The following SUMF1 variants were observed in gnomAD, a reference collection of about 807,000 sequenced individuals.
The protein encoded by SUMF1 is formylglycine-generating enzyme.
Under a neutral mutation model 47.6 loss-of-function variants are expected in SUMF1, and 48 were observed. The observed-to-expected ratio is 1.01, with a 90% CI of 0.80 to 1.28. SUMF1 has a LOEUF of 1.28. Among genes scored for constraint, SUMF1 ranks in the 50% most tolerant of loss-of-function variants. The pLI is 0.00. For synonymous variants in SUMF1, 230 were observed against 192.1 expected, an observed-to-expected ratio of 1.20 and a Z score of -1.63; for missense variants, 571 against 485.4, an observed-to-expected ratio of 1.18 and a Z score of -1.66.
chr3:4,149,923 T>G (rs1694279902), intron 8 of SUMF1, among the ~76,000 whole-genome samples: 1 of 152,096 alleles, frequency 6.6e-6, no homozygotes, highest in African/African-American at 2.4e-5. Context: ...TGGGTACATA[T>G]TTATAACAGT....
chr3:4,224,126 G>T (rs1696125734), intron 8 of SUMF1, among the ~76,000 whole-genome samples: 2 of 152,088 alleles, frequency 1.3e-5, no homozygotes, highest in African/African-American at 4.8e-5. Context: ...CCTCATGTCT[G>T]TCATTAGCAG....
Position 4,440,499 on chromosome 3 carries a change from A to T in SUMF1, c.519+8767T>A, listed in dbSNP as rs1351702216. Among the ~76,000 whole-genome samples the T allele has an allele frequency of 2.0e-5, 3 of 152,290 alleles. No homozygotes were observed. The East Asian group carries it at 5.8e-4, about 29-fold the overall frequency. The stretch of plus-strand genomic sequence containing the variant: ...AGGTAACTGGATCGCATCCTTATTA[A>T]CAGTTCTCTTTCTAGTTTAGAGTTG... On this transcript the variant is annotated intron_variant, in intron 3 of 8. Transcript: ENST00000272902.
At chr3:4,226,915 A>G (rs1696187316) in intron 8 of SUMF1, among the ~76,000 whole-genome samples, 1 of 152,044 alleles carries the variant, frequency 6.6e-6, no homozygotes, top group South Asian at 2.1e-4. Context: ...CAAACATTAC[A>G]TACATTAAAA....
At chr3:4,129,205 T>C (rs1006945507) in intron 8 of SUMF1, among the ~76,000 whole-genome samples, 1 of 152,040 alleles carries the variant, frequency 6.6e-6, no homozygotes, top group African/African-American at 2.4e-5. Flanking sequence ...GTCACTCAAC[T>C]ACAAAATTTA....
chr3:4,109,703 C>T (rs1693246953), intron 8 of SUMF1, among the ~76,000 whole-genome samples: 1 of 152,102 alleles, frequency 6.6e-6, no homozygotes, highest in Non-Finnish European at 1.5e-5. Context: ...ACCCTTTCTT[C>T]CAGTTGATCG....
At position 4,270,091 on chromosome 3, in the gene SUMF1, T is replaced by TAC. The variant is rs140512913; in HGVS notation, c.1014+106238_1014+106239insGT. Among the ~76,000 whole-genome samples, 800 of 152,182 alleles carry TAC rather than the reference T, an allele frequency of 5.3e-3. 4 individuals are homozygous for TAC. Among genetic ancestry groups the TAC allele is most frequent in the African/African-American group, 0.017 (725 of 41,522 alleles). ...TAAGAAAGCCAAGGCCCAGAAGAGG[T>TAC]AGGTCATTTACCCACGGTTCAGGAG... On this transcript the variant is annotated intron_variant and NMD_transcript_variant, in intron 8 of 12. Coordinates refer to the SUMF1 transcript ENST00000448413.
rs150348203 is a variant in SUMF1 at position 4,045,881 on chromosome 3, A to G, written c.1191+22688T>C. Among the ~76,000 whole-genome samples, 47 of 152,266 alleles carry G rather than the reference A, an allele frequency of 3.1e-4. 1 individual carries two copies. Among genetic ancestry groups the G allele is most frequent in the African/African-American group, 1.1e-3 (46 of 41,548 alleles). On this transcript the variant is annotated intron_variant and NMD_transcript_variant, in intron 9 of 12. Coordinates refer to the SUMF1 transcript ENST00000448413. ...ATGTTCAAACAGGAGCCTGGACATG[A>G]CTGAGATAAAGAATGATTCCCGAGC... is the stretch of plus-strand genomic sequence containing the variant.
At chr3:4,125,942 G>T (rs143497940) in intron 8 of SUMF1, among the ~76,000 whole-genome samples, 49 of 152,170 alleles carry the variant, frequency 3.2e-4, no homozygotes, top group African/African-American at 1.1e-3. Flanking sequence ...CTTCCAAAGT[G>T]GTGGGATTAT....
intron 8 of SUMF1, among the ~76,000 whole-genome samples, chr3:4,090,701 C>T (rs917195878): frequency 2.0e-5 from 3 of 152,232 alleles, no homozygotes; most frequent in Admixed American, 6.5e-5. Flanking sequence ...TGACAATTTT[C>T]ACTTTGCATT....
At chr3:4,053,094 C>T (rs925064841) in intron 9 of SUMF1, among the ~76,000 whole-genome samples, 2 of 152,134 alleles carry the variant, frequency 1.3e-5, no homozygotes, top group Non-Finnish European at 2.9e-5. Context: ...TAAAGTGAGA[C>T]ACACATGATT....
chr3:4,112,908 G>T (rs146390805), intron 8 of SUMF1, among the ~76,000 whole-genome samples: 2 of 152,238 alleles, frequency 1.3e-5, no homozygotes, highest in African/African-American at 4.8e-5. Context: ...AATTGATCTT[G>T]TTTGTCAATC....
intron 7 of SUMF1, among the ~76,000 whole-genome samples, chr3:4,401,229 G>A (rs1426270161): frequency 6.6e-6 from 1 of 152,046 alleles, no homozygotes; most frequent in Non-Finnish European, 1.5e-5. Context: ...GGACATTTGG[G>A]TTGGTTCCAA....
chr3:4,449,165 T>G, intron 3 of SUMF1, 101 bp downstream of exon 3: 1 of 1,260,506 alleles, frequency 7.9e-7, no homozygotes, highest in Non-Finnish European at 1.2e-6. Context: ...TGGTTAGGTG[T>G]TACAGGGAGA....
intron 8 of SUMF1, among the ~76,000 whole-genome samples, chr3:4,267,511 A>G (rs199772653): frequency 1.3e-5 from 2 of 152,274 alleles, no homozygotes; most frequent in Non-Finnish European, 1.5e-5. Context: ...GTTTATTTGC[A>G]TAGAGGTGTT....
chr3:4,064,821 A>G (rs752846028), intron 9 of SUMF1, among the ~76,000 whole-genome samples: 9 of 152,208 alleles, frequency 5.9e-5, no homozygotes, highest in Non-Finnish European at 1.2e-4. Flanking sequence ...CGCTTCAGCC[A>G]TATTTTAATG....
intron 8 of SUMF1, among the ~76,000 whole-genome samples, chr3:4,249,170 G>C (rs538703732): frequency 1.3e-5 from 2 of 152,190 alleles, no homozygotes; most frequent in Non-Finnish European, 2.9e-5. Flanking sequence ...AGCAGAGTGG[G>C]TATAATTTGG....
At chr3:4,163,363 A>AAAGGAAGGAAGGAAGGAAG (rs375774371) in intron 8 of SUMF1, among the ~76,000 whole-genome samples, 13 of 31,578 alleles carry the variant, frequency 4.1e-4, no homozygotes, top group African/African-American at 1.6e-3. Context: ...AGAGAGAGAG[A>AAAGGAAGGAAGGAAGGAAG]AAGGAAGGAA....
chr3:4,078,753 A>G (rs1692494445), intron 8 of SUMF1, among the ~76,000 whole-genome samples: 2 of 150,430 alleles, frequency 1.3e-5, no homozygotes, highest in South Asian at 4.2e-4. Context: ...AAAAAAAAAA[A>G]TCAAAAAAAG....
chr3:4,163,146 T>TACACCTAGG (rs1427341629), intron 8 of SUMF1, among the ~76,000 whole-genome samples: 1 of 151,650 alleles, frequency 6.6e-6, no homozygotes, highest in Non-Finnish European at 1.5e-5. Flanking sequence ...TGTCTACTGC[T>TACACCTAGG]ACACCTAGGA....
Sources: gnomAD v4.1 joint callset for allele counts (sites outside exome capture counted in the v4.1 genomes callset) on GRCh38, gnomAD v4.1.1 for gene constraint, MANE v1.5 for transcripts, NCBI Gene and HGNC (gene_info 2026-07-23, HGNC 2026-07-21) for gene names.